SDF2: variants seen among roughly 807,000 people sequenced by gnomAD.
The protein encoded by SDF2 is stromal cell-derived factor 2.
In SDF2, 12 loss-of-function variants were observed where a neutral mutation model predicts 20.5. The observed-to-expected ratio is 0.58, with a 90% confidence interval of 0.37 to 0.95. The LOEUF is 0.95. SDF2 is among the 40% of genes least tolerant of loss of function. The probability of loss-of-function intolerance (pLI) is 0.01; values close to 1 mark genes in which losing one functional copy is unlikely to be tolerated. For synonymous variants in SDF2, 100 were observed against 101.0 expected, an observed-to-expected ratio of 0.99 and a Z score of 0.06; for missense variants, 238 against 263.1, an observed-to-expected ratio of 0.90 and a Z score of 0.66.
chr17:28,657,427 C>T (rs1597671715), intron 1 of SDF2, among the ~76,000 whole-genome samples: 3 of 151,290 alleles, frequency 2.0e-5, no homozygotes, highest in African/African-American at 7.3e-5. Flanking sequence ...GATACAGGAT[C>T]CCTCTTGTCA....
intron 1 of SDF2, among the ~76,000 whole-genome samples, chr17:28,658,306 G>A (rs1448184696): frequency 6.6e-6 from 1 of 151,346 alleles, no homozygotes; most frequent in East Asian, 1.9e-4. Context: ...TTCTCGGAGA[G>A]GGGGATGTGG....
chr17:28,654,174 C>G (rs568611698), intron 2 of SDF2, among the ~76,000 whole-genome samples: 1 of 152,092 alleles, frequency 6.6e-6, no homozygotes, highest in South Asian at 2.1e-4. Context: ...ATTAGCCAGG[C>G]ATGGTGGCGT....
At chr17:28,658,906 G>A (rs886947744) in intron 1 of SDF2, among the ~76,000 whole-genome samples, 1 of 148,686 alleles carries the variant, frequency 6.7e-6, no homozygotes, top group Non-Finnish European at 1.5e-5. Context: ...CCCAGACAGG[G>A]TGGCCGGGCA....
intron 2 of SDF2, among the ~76,000 whole-genome samples, chr17:28,650,234 G>A (rs1253451348): frequency 6.6e-6 from 1 of 152,174 alleles, no homozygotes; most frequent in African/African-American, 2.4e-5. Context: ...TTACAGGCAT[G>A]AGCCACCGTG....
intron 1 of SDF2, 100 bp from the exon 2 acceptor site, chr17:28,655,583 CCCA>C: frequency 9.9e-7 from 1 of 1,011,638 alleles, no homozygotes; most frequent in South Asian, 1.5e-5. Flanking sequence ...TCACCTGTAA[CCCA>C]CCACCATGAC....
At chr17:28,654,253 A>T (rs2071937094) in intron 2 of SDF2, among the ~76,000 whole-genome samples, 1 of 152,100 alleles carries the variant, frequency 6.6e-6, no homozygotes, top group South Asian at 2.1e-4. Flanking sequence ...AGTGAGCAAG[A>T]TCACACTACA....
intron 2 of SDF2, among the ~76,000 whole-genome samples, chr17:28,651,007 C>T (rs2071910492): frequency 6.6e-6 from 1 of 151,938 alleles, no homozygotes; most frequent in African/African-American, 2.4e-5. Context: ...TGGACTTAAA[C>T]GATTCTCCCC....
intron 2 of SDF2, 104 bp from the exon 3 acceptor site, chr17:28,649,380 A>G (rs982749566): frequency 1.9e-6 from 2 of 1,076,988 alleles, no homozygotes; most frequent in Admixed American, 4.0e-5. Flanking sequence ...GTAAAAAATC[A>G]GAGGGGCCAG....
intron 2 of SDF2, among the ~76,000 whole-genome samples, chr17:28,652,341 C>T (rs2071921821): frequency 6.6e-6 from 1 of 151,970 alleles, no homozygotes; most frequent in Admixed American, 6.6e-5. Flanking sequence ...GACAGAGTCT[C>T]GCCCTGTCAC....
At chr17:28,658,029 T>C (rs991057049) in intron 1 of SDF2, among the ~76,000 whole-genome samples, 1 of 152,130 alleles carries the variant, frequency 6.6e-6, no homozygotes, top group Non-Finnish European at 1.5e-5. Flanking sequence ...CATGACTTTA[T>C]TATATCTTTT....
chr17:28,661,234 G>A (rs762536206), intron 1 of SDF2: 2 of 440,944 alleles, frequency 4.5e-6, no homozygotes, highest in African/African-American at 2.0e-5. Flanking sequence ...GAAGACAAAG[G>A]GTTGTAGTCA....
At position 28,649,179 on chromosome 17, in the gene SDF2, CG is replaced by C; in HGVS notation, c.445del (p.Arg149GlyfsTer48). On this transcript the variant is annotated frameshift_variant, in exon 3 of 3. Transcript: ENST00000247020. LOFTEE classifies it high-confidence loss of function. ...TACCTCAGTGGAAGAGTGTTTGAAC[CG>C]CACCTCACCATCTCTCACCCAGTAG... ...GPYWVRDGEV[R>X]FKHSSTEVLL... The C allele has an allele frequency of 6.2e-7, 1 of 1,614,188 alleles. No individual in the cohort carries two copies. The highest frequency in any genetic ancestry group is 1.3e-5 in the African/African-American group (1 of 75,050).
intron 2 of SDF2, among the ~76,000 whole-genome samples, chr17:28,651,271 C>G (rs1023789215): frequency 6.6e-6 from 1 of 152,202 alleles, no homozygotes; most frequent in Non-Finnish European, 1.5e-5. Flanking sequence ...ACCATGTTGA[C>G]CAGGCTGGTC....
chr17:28,661,727 T>C lies in SDF2; in HGVS notation c.150A>G (p.Ser50=), dbSNP rs1311006593. 2 of 1,612,810 alleles carry C rather than the reference T, an allele frequency of 1.2e-6. No individual in the cohort carries two copies. The highest frequency in any genetic ancestry group is 1.7e-5 in the Admixed American group (1 of 60,000). ...CCCGAGCCCGGTCCCCAGCATTACC[T>C]GACCCATAGCGCACGTCGTGTGAGT... ...RLHSHDVRYG[S]GSGQQSVTGV... Residue 50 remains serine (S), a splice_region_variant and synonymous_variant, in exon 1 of 3, where the codon TCA becomes TCG. Transcript: ENST00000247020.
At chr17:28,660,751 G>A (rs2072022808) in intron 1 of SDF2, 1 of 157,178 alleles carries the variant, frequency 6.4e-6, no homozygotes. Flanking sequence ...TGGGAATCAT[G>A]AACCAGACTA....
chr17:28,655,312 A>G lies in SDF2; in HGVS notation c.323T>C (p.Phe108Ser). Residue 108 changes from phenylalanine (F) to serine (S), a missense_variant, in exon 2 of 3, where the codon TTC (phenylalanine) becomes TCC (serine). Physicochemically the swap from Phe to Ser is radical, Grantham distance 155 (BLOSUM62 -2). Transcript: ENST00000247020. ...CTGGTTTCCAGAAAGAGGTGAAGTG[A>G]AGTGGTGACTATGGAGGTTTCGGCC... ...NTGRNLHSHH[F>S]TSPLSGNQEV... The G allele has an allele frequency of 6.2e-7, 1 of 1,614,216 alleles. No homozygotes were observed. The highest frequency in any genetic ancestry group is 8.5e-7 in the Non-Finnish European group (1 of 1,180,036).
At chr17:28,656,318 G>C (rs1597671074) in intron 1 of SDF2, 1 of 152,028 alleles carries the variant, frequency 6.6e-6, no homozygotes, top group Non-Finnish European at 1.5e-5. Flanking sequence ...GGGTGTGGTG[G>C]CTCACACCTG....
chr17:28,659,567 G>C lies in SDF2; in HGVS notation c.151+2159C>G, dbSNP rs1163523270. ...CAAAGGCACTCCTCACATCCCAGAT[G>C]GCGCGGCCGGGCAGAGGCGCTCCTC... On this transcript the variant is annotated intron_variant, in intron 1 of 2. Transcript: ENST00000247020. 3.4e-5 allele frequency among the ~76,000 whole-genome samples: 5 copies of C among 147,876 alleles called. No homozygotes were observed. In the East Asian group the frequency reaches 8.2e-4, roughly 24 times the overall value.
intron 2 of SDF2, among the ~76,000 whole-genome samples, chr17:28,654,585 GC>G (rs1436183143): frequency 6.6e-6 from 1 of 152,268 alleles, no homozygotes; most frequent in East Asian, 1.9e-4. Context: ...GGAGGCAGAG[GC>G]GGGTGGATCA....
Sources: allele counts gnomAD v4.1 joint callset (sites outside exome capture counted in the v4.1 genomes callset), GRCh38; gene constraint gnomAD v4.1.1; transcripts MANE v1.5; gene names NCBI Gene and HGNC (gene_info 2026-07-23, HGNC 2026-07-21).